SEC61A2: variants seen among roughly 807,000 people sequenced by gnomAD.
SEC61A2 encodes the protein protein transport protein Sec61 subunit alpha isoform 2.
Under a neutral mutation model 59.9 loss-of-function variants are expected in SEC61A2, and 28 were observed. The observed-to-expected ratio is 0.47, with a 90% confidence interval of 0.35 to 0.64. The LOEUF (loss-of-function observed/expected upper bound fraction) is 0.64. Among genes scored for constraint, SEC61A2 ranks in the 30% least tolerant of loss-of-function variants. The pLI is 0.01. For missense variants in SEC61A2, 340 were observed against 585.9 expected (o/e 0.58, Z 4.33); for synonymous variants, 202 against 214.4 (o/e 0.94, Z 0.50).
intron 11 of SEC61A2, among the ~76,000 whole-genome samples, chr10:12,163,052 A>G (rs1418039365): frequency 6.6e-6 from 1 of 152,194 alleles, no homozygotes. Context: ...TGTTGTGAAC[A>G]TATTTGTACA....
chr10:12,151,380 C>T (rs1284376502), intron 6 of SEC61A2, among the ~76,000 whole-genome samples: 10 of 149,228 alleles, frequency 6.7e-5, no homozygotes, highest in Admixed American at 4.6e-4. Flanking sequence ...GGCACGATCT[C>T]GGCTCACTGC....
chr10:12,164,171 C>G lies in SEC61A2; in HGVS notation c.1245-97C>G, dbSNP rs915382920. 5 of 1,427,398 alleles carry G rather than the reference C, an allele frequency of 3.5e-6. No homozygotes were observed. The Admixed American group carries it at 7.1e-5, about 20-fold the overall frequency. The allele number at this position is 1,427,398 out of a possible 1,614,324, so 88.4% of individuals were successfully genotyped here. On this transcript the variant is annotated intron_variant, in intron 11 of 11. Coordinates refer to ENST00000298428, the MANE Select transcript of SEC61A2 (RefSeq NM_018144.4). The surrounding 1 kb of genome is among the most constrained non-coding windows in gnomAD (Gnocchi z 7.3). ...CTCTGGAGTTCAGGGAGGCTTTAGA[C>G]CCAGCTATGGCTGCTGCGCCTCGAC... is the stretch of plus-strand genomic sequence containing the variant.
chr10:12,157,605 C>T (rs972211110), intron 8 of SEC61A2, among the ~76,000 whole-genome samples: 3 of 150,318 alleles, frequency 2.0e-5, no homozygotes, highest in Non-Finnish European at 3.0e-5. Context: ...TGGGTTCAAG[C>T]GATTCTCCTG....
intron 4 of SEC61A2, among the ~76,000 whole-genome samples, chr10:12,144,217 A>G (rs1834088083): frequency 6.6e-6 from 1 of 152,230 alleles, no homozygotes; most frequent in Admixed American, 6.5e-5. Flanking sequence ...AGCAATTTAT[A>G]TACAGATTTA....
rs747314152 is a variant in SEC61A2 at position 12,160,951 on chromosome 10, G to T, written c.997G>T (p.Ala333Ser). ...GTAGGATGTCAGTGGGGGAGGACCCGCACGTTCTTACCCAGTTGGAGGCCT... is the reference window on the plus strand; with the variant it reads ...GTAGGATGTCAGTGGGGGAGGACCCTCACGTTCTTACCCAGTTGGAGGCCT... ...QWADVSGGGP[A>S]RSYPVGGLCY... The change falls in exon 10 of 12, where the codon GCA (alanine) becomes TCA (serine). Residue 333 changes from alanine (A) to serine (S), a missense_variant. Physicochemically the swap from Ala to Ser is moderately conservative, Grantham distance 99. Around this residue, in one of 3 missense-constraint regions of SEC61A2, gnomAD observed 283 missense variants for 483.2 expected, o/e 0.59. Coordinates refer to ENST00000298428, the MANE Select transcript of SEC61A2 (RefSeq NM_018144.4). This position sits in a 1 kb window ranked among gnomAD's most constrained non-coding sequence, Gnocchi z 4.1. The T allele has an allele frequency of 6.2e-7, 1 of 1,613,080 alleles. No individual in the cohort carries two copies. The highest frequency in any genetic ancestry group is 8.5e-7 in the Non-Finnish European group (1 of 1,179,580).
Position 12,154,658 on chromosome 10 carries a change from T to C in SEC61A2, c.463-1120T>C, listed in dbSNP as rs1009513331. Among the ~76,000 whole-genome samples, 10 of 152,194 alleles carry C rather than the reference T, an allele frequency of 6.6e-5. No individual in the cohort carries two copies. Among genetic ancestry groups the C allele is most frequent in the African/African-American group, 2.4e-4 (10 of 41,450 alleles). Reference sequence around the variant, plus strand: ...AGAATCGTACCCTTTCTCCTGCCCATTGAAACTCAGACTAAAAGCCTGTAA... The same window carrying C: ...AGAATCGTACCCTTTCTCCTGCCCACTGAAACTCAGACTAAAAGCCTGTAA... On this transcript the variant is annotated intron_variant, in intron 6 of 11. Transcript: ENST00000298428. This position sits in a 1 kb window ranked among gnomAD's most constrained non-coding sequence, Gnocchi z 5.2.
At position 12,145,942 on chromosome 10, in the gene SEC61A2, C is replaced by T. The variant is rs966160191; in HGVS notation, c.220+2747C>T. Among the ~76,000 whole-genome samples, 1 of 152,178 alleles carries T rather than the reference C, an allele frequency of 6.6e-6. No individual in the cohort carries two copies. The highest frequency in any genetic ancestry group is 1.5e-5 in the Non-Finnish European group (1 of 68,040). On this transcript the variant is annotated intron_variant, in intron 4 of 11. Transcript: ENST00000298428. The surrounding 1 kb of genome is among the most constrained non-coding windows in gnomAD (Gnocchi z 4.4). ...CAGGAAGAAGGGGAGCAAGGCCAGC[C>T]CTTAGGCCTCAGCAGCAGGGATTGG...
chr10:12,141,166 C>G (rs545003146), intron 3 of SEC61A2, among the ~76,000 whole-genome samples: 2 of 152,316 alleles, frequency 1.3e-5, no homozygotes, highest in East Asian at 3.9e-4. Context: ...TCCCAAGATA[C>G]TGGTGTTACA....
In SEC61A2 at chr10:12,160,734, T is replaced by G. The variant is rs1588645935; in HGVS notation, c.976-196T>G. Among the ~76,000 whole-genome samples, 1 of 152,210 alleles carries G rather than the reference T, an allele frequency of 6.6e-6. No homozygotes were observed. On this transcript the variant is annotated intron_variant, in intron 9 of 11. Coordinates refer to ENST00000298428, the MANE Select transcript of SEC61A2 (RefSeq NM_018144.4). This position sits in a 1 kb window ranked among gnomAD's most constrained non-coding sequence, Gnocchi z 4.1. ...CAATATTTTCACAGTGTCTTGCATGTAATAGGTGTTCATCGTATAACTTTG... is the reference window on the plus strand; with the variant it reads ...CAATATTTTCACAGTGTCTTGCATGGAATAGGTGTTCATCGTATAACTTTG...
At chr10:12,131,376 C>T (rs1251870999) in intron 1 of SEC61A2, among the ~76,000 whole-genome samples, 1 of 152,172 alleles carries the variant, frequency 6.6e-6, no homozygotes, top group Non-Finnish European at 1.5e-5. Context: ...TGCGGCTTGT[C>T]TTTCTCCACA....
At chr10:12,147,511 C>T (rs1294377598) in intron 4 of SEC61A2, among the ~76,000 whole-genome samples, 1 of 151,932 alleles carries the variant, frequency 6.6e-6, no homozygotes, top group Non-Finnish European at 1.5e-5. Context: ...GTAGTGAAAC[C>T]CCATCTCTAC....
chr10:12,140,831 A>AC (rs997705473), intron 3 of SEC61A2, among the ~76,000 whole-genome samples: 38 of 151,220 alleles, frequency 2.5e-4, no homozygotes, highest in Admixed American at 1.1e-3. Context: ...CGATTTCCTG[A>AC]CCTCATGATC....
downstream of SEC61A2, chr10:12,167,758 G>C (rs1272598054): frequency 3.1e-6 from 5 of 1,614,188 alleles, no homozygotes; most frequent in East Asian, 2.2e-5. Flanking sequence ...TTCAGTGCTA[G>C]AGCGTAGGAA....
Position 12,153,010 on chromosome 10 carries a change from G to C in SEC61A2, c.463-2768G>C, listed in dbSNP as rs1376395109. ...GGAGTCGGAGTTTGCAGTGAGCCGA[G>C]GTCACACCACTGCACTCCAGCCTGG... On this transcript the variant is annotated intron_variant, in intron 6 of 11. Transcript: ENST00000298428. The surrounding 1 kb of genome is among the most constrained non-coding windows in gnomAD (Gnocchi z 5.2). 1.3e-5 allele frequency among the ~76,000 whole-genome samples: 2 copies of C among 151,584 alleles called. No individual in the cohort carries two copies. The highest frequency in any genetic ancestry group is 2.9e-5 in the Non-Finnish European group (2 of 67,966).
At position 12,152,100 on chromosome 10, in the gene SEC61A2, T is replaced by C. The variant is rs1254783014; in HGVS notation, c.462+2139T>C. On this transcript the variant is annotated intron_variant, in intron 6 of 11. Coordinates refer to ENST00000298428, the MANE Select transcript of SEC61A2 (RefSeq NM_018144.4). The surrounding 1 kb of genome is among the most constrained non-coding windows in gnomAD (Gnocchi z 5.5). ...TTGACCAGGGCAGGAATTTTTTTTT[T>C]CGAGACGGAGTCCTGCTCTGTCTCC... Among the ~76,000 whole-genome samples the C allele has an allele frequency of 6.6e-6, 1 of 150,784 alleles. No individual in the cohort carries two copies. Among genetic ancestry groups the C allele is most frequent in the African/African-American group, 2.4e-5 (1 of 40,924 alleles).
rs2131675675 is a variant in SEC61A2, at chr10:12,156,163, A to G, written c.616+232A>G. ...CTTATTTAAAATTTCAGTGGTTGCAAACAGATTTTCAAAATTTCTTTTGTT... is the reference window on the plus strand; with the variant it reads ...CTTATTTAAAATTTCAGTGGTTGCAGACAGATTTTCAAAATTTCTTTTGTT... On this transcript the variant is annotated intron_variant, in intron 7 of 11. Transcript: ENST00000298428. This position sits in a 1 kb window ranked among gnomAD's most constrained non-coding sequence, Gnocchi z 5.2. Among the ~76,000 whole-genome samples the G allele has an allele frequency of 6.6e-6, 1 of 152,360 alleles. No individual in the cohort carries two copies. Among genetic ancestry groups the G allele is most frequent in the South Asian group, 2.1e-4 (1 of 4,822 alleles).
intron 6 of SEC61A2, among the ~76,000 whole-genome samples, chr10:12,151,337 C>T (rs1427845889): frequency 1.4e-5 from 2 of 145,484 alleles, no homozygotes; most frequent in East Asian, 4.0e-4. Context: ...TTTTGAGACA[C>T]AGTCTTGCTG....
chr10:12,155,528 G>A lies in SEC61A2; in HGVS notation c.463-250G>A, dbSNP rs1389976205. 3 of 681,962 alleles carry A rather than the reference G, an allele frequency of 4.4e-6. No individual in the cohort carries two copies. The highest frequency in any genetic ancestry group is 7.3e-6 in the Non-Finnish European group (3 of 413,184). 42.2% of individuals were successfully genotyped at this position (681,962 alleles called of 1,614,324 possible). A position where few individuals can be genotyped will look rare whatever the true frequency, so the allele number is the denominator to read the frequency against. ...ATTGCAAAAGAAACTATTCAGATAA[G>A]TGTAAATAGACTTTAAAAGTTGAAA... is the stretch of plus-strand genomic sequence containing the variant. On this transcript the variant is annotated intron_variant, in intron 6 of 11. Transcript: ENST00000298428. This position sits in a 1 kb window ranked among gnomAD's most constrained non-coding sequence, Gnocchi z 4.3.
rs1573986 is a variant in SEC61A2, at chr10:12,161,322, G to T, written c.1167+201G>T. 6.6e-6 allele frequency among the ~76,000 whole-genome samples: 1 copy of T among 151,964 alleles called. No individual in the cohort carries two copies. Among genetic ancestry groups the T allele is most frequent in the Admixed American group, 6.6e-5 (1 of 15,262 alleles). ...CGGCCGGGCACGGTGGTGCAAGCCC[G>T]TGGTCCCAGCTACTTGGGAAGTTGA... is the stretch of plus-strand genomic sequence containing the variant. On this transcript the variant is annotated intron_variant, in intron 10 of 11. Transcript: ENST00000298428. The surrounding 1 kb of genome is among the most constrained non-coding windows in gnomAD (Gnocchi z 5.4).
Sources: gnomAD v4.1 joint callset for allele counts (sites outside exome capture counted in the v4.1 genomes callset) on GRCh38, gnomAD v4.1.1 for gene constraint, gnomAD v4.1.1 regional missense constraint, Gnocchi (gnomAD v3.1) non-coding constraint, MANE v1.5 for transcripts, NCBI Gene and HGNC (gene_info 2026-07-23, HGNC 2026-07-21) for gene names.